The following WDPCP variants were observed in gnomAD, a reference collection of about 807,000 sequenced individuals.
WDPCP encodes WD repeat containing planar cell polarity effector.
Under a neutral mutation model 93.1 loss-of-function variants are expected in WDPCP, and 71 were observed. The ratio of observed to expected loss-of-function variants is 0.76; its 90% CI spans 0.63 to 0.93. WDPCP has a LOEUF of 0.93. WDPCP is among the 40% of genes least tolerant of loss of function. WDPCP has a pLI of 0.00. For missense variants in WDPCP, 844 were observed against 887.4 expected (o/e 0.95, Z 0.62); for synonymous variants, 315 against 315.0 (o/e 1.00, Z 0.00).
At chr2:63,507,904 G>A (rs1245424098) in intron 1 of WDPCP, among the ~76,000 whole-genome samples, 2 of 151,996 alleles carry the variant, frequency 1.3e-5, no homozygotes, top group South Asian at 2.1e-4. Context: ...GAAAAGGAAC[G>A]AACAAAGCCT....
intron 17 of WDPCP, among the ~76,000 whole-genome samples, chr2:63,143,013 C>A (rs1031807342): frequency 6.6e-6 from 1 of 151,842 alleles, no homozygotes; most frequent in East Asian, 1.9e-4. Context: ...TGCAGTGGTG[C>A]GATCTTGGCT....
intron 2 of WDPCP, among the ~76,000 whole-genome samples, chr2:63,708,906 G>T (rs1308548453): frequency 6.6e-6 from 1 of 151,128 alleles, no homozygotes; most frequent in Non-Finnish European, 1.5e-5. Flanking sequence ...CACCTCGCCT[G>T]GCCAATAGCT....
intron 14 of WDPCP, among the ~76,000 whole-genome samples, chr2:63,220,918 T>C (rs2104480178): frequency 6.6e-6 from 1 of 152,284 alleles, no homozygotes; most frequent in East Asian, 1.9e-4. Context: ...TGTGTTCTCA[T>C]TGTGCACCTC....
intron 1 of WDPCP, among the ~76,000 whole-genome samples, chr2:63,813,905 AAT>A (rs1349739234): frequency 4.6e-5 from 7 of 152,242 alleles, no homozygotes; most frequent in Admixed American, 6.5e-5. Context: ...GATAAATACT[AAT>A]ATGTTTTCTA....
chr2:63,817,769 G>A (rs1670958546), intron 1 of WDPCP, among the ~76,000 whole-genome samples: 1 of 152,142 alleles, frequency 6.6e-6, no homozygotes, highest in South Asian at 2.1e-4. Flanking sequence ...GAGTGAGGGG[G>A]AAAAATTATA....
chr2:63,378,130 T>A (rs1692005590), intron 12 of WDPCP: 2 of 467,164 alleles, frequency 4.3e-6, no homozygotes, highest in Non-Finnish European at 7.8e-6. Context: ...CTACATTGAC[T>A]TTACATAGCT....
At chr2:63,723,152 G>A (rs1227702762) in intron 2 of WDPCP, among the ~76,000 whole-genome samples, 1 of 151,670 alleles carries the variant, frequency 6.6e-6, no homozygotes, top group Non-Finnish European at 1.5e-5. Context: ...CACTGCGGAA[G>A]GCCGCAGGGT....
At chr2:63,789,351 G>T (rs1348660990) in intron 2 of WDPCP, among the ~76,000 whole-genome samples, 4 of 151,748 alleles carry the variant, frequency 2.6e-5, no homozygotes, top group Non-Finnish European at 5.9e-5. Context: ...TAATCTTCAG[G>T]CCACACAAAA....
intron 3 of WDPCP, chr2:63,605,826 A>G (rs2106629433): frequency 1.2e-6 from 1 of 852,480 alleles, no homozygotes; most frequent in South Asian, 1.4e-5. Context: ...TTCCTTACAC[A>G]GTAATGATGT....
chr2:63,472,937 C>T (rs1464766533), intron 6 of WDPCP, among the ~76,000 whole-genome samples: 1 of 152,230 alleles, frequency 6.6e-6, no homozygotes, highest in East Asian at 1.9e-4. Context: ...TGTGGATACA[C>T]ATTTTAATTC....
intron 1 of WDPCP, chr2:63,564,690 C>T (rs1170236724): frequency 6.6e-6 from 1 of 151,160 alleles, no homozygotes; most frequent in Non-Finnish European, 1.5e-5. Flanking sequence ...GACTATAAAA[C>T]AAATGTAAAT....
intron 6 of WDPCP, among the ~76,000 whole-genome samples, chr2:63,454,127 AAAAG>A (rs1164489476): frequency 1.3e-5 from 2 of 150,342 alleles, no homozygotes; most frequent in African/African-American, 4.9e-5. Flanking sequence ...TATATTAAAA[AAAAG>A]AAAGAAAATG....
intron 1 of WDPCP, among the ~76,000 whole-genome samples, chr2:63,494,956 G>A (rs571203806): frequency 6.7e-6 from 1 of 149,862 alleles, no homozygotes; most frequent in East Asian, 2.0e-4. Context: ...CATGACCCAA[G>A]TATGACAGTA....
intron 17 of WDPCP, among the ~76,000 whole-genome samples, chr2:63,142,277 A>G (rs1225244294): frequency 1.3e-5 from 2 of 152,192 alleles, no homozygotes; most frequent in African/African-American, 4.8e-5. Context: ...GCTTAGGGCT[A>G]TGAACTTTCA....
At chr2:63,391,886 G>A (rs576161317) in intron 10 of WDPCP, among the ~76,000 whole-genome samples, 2 of 152,130 alleles carry the variant, frequency 1.3e-5, no homozygotes, top group African/African-American at 4.8e-5. Flanking sequence ...AAATAAAAGA[G>A]GACACAAACA....
At chr2:63,732,422 G>C (rs542905420) in intron 2 of WDPCP, among the ~76,000 whole-genome samples, 1 of 152,294 alleles carries the variant, frequency 6.6e-6, no homozygotes, top group East Asian at 1.9e-4. Flanking sequence ...TGTAAATATA[G>C]AAGAGGGGTA....
At chr2:63,455,895 G>A (rs1698592155) in intron 6 of WDPCP, among the ~76,000 whole-genome samples, 2 of 152,060 alleles carry the variant, frequency 1.3e-5, no homozygotes, top group African/African-American at 2.4e-5. Flanking sequence ...ATCAGTACAT[G>A]GAACAGTCTC....
chr2:63,594,618 T>C (rs1207567385), intron 3 of WDPCP: 1 of 1,437,404 alleles, frequency 7.0e-7, no homozygotes, highest in Admixed American at 1.7e-5. Context: ...TCTTAAGTTA[T>C]TAGAGTAAGA....
chr2:63,351,274 G>C (rs1342225312), intron 12 of WDPCP, among the ~76,000 whole-genome samples: 1 of 152,122 alleles, frequency 6.6e-6, no homozygotes, highest in Non-Finnish European at 1.5e-5. Context: ...GAGCCACTGT[G>C]CTCGGCTCAA....
Sources: allele counts gnomAD v4.1 joint callset (sites outside exome capture counted in the v4.1 genomes callset), GRCh38; gene constraint gnomAD v4.1.1; transcripts MANE v1.5; gene names NCBI Gene and HGNC (gene_info 2026-07-23, HGNC 2026-07-21).